Variants in ADCY3 observed in about 807,000 individuals in gnomAD.
ADCY3 encodes the protein adenylate cyclase type 3.
Under a neutral mutation model 119.4 loss-of-function variants are expected in ADCY3, and 70 were observed. The observed-to-expected ratio is 0.59, with a 90% CI of 0.48 to 0.72. The LOEUF is 0.72. Among genes scored for constraint, ADCY3 ranks in the 30% least tolerant of loss-of-function variants. The probability of loss-of-function intolerance (pLI) is 0.00; values close to 1 mark genes in which losing one functional copy is unlikely to be tolerated. For synonymous variants in ADCY3, 672 were observed against 621.4 expected, an observed-to-expected ratio of 1.08 and a Z score of -1.21; for missense variants, 1,238 against 1,541.6, an observed-to-expected ratio of 0.80 and a Z score of 3.30.
chr2:24,848,911 C>T (rs1040042622), intron 3 of ADCY3, among the ~76,000 whole-genome samples: 1 of 152,138 alleles, frequency 6.6e-6, no homozygotes, highest in African/African-American at 2.4e-5. Flanking sequence ...GCAGGTGGGA[C>T]AACAAAGGGA....
At chr2:24,820,282 G>C in intron 21 of ADCY3, 168 bp from the exon 22 acceptor site, 1 of 1,247,670 alleles carries the variant, frequency 8.0e-7, no homozygotes. Flanking sequence ...GGCGAGCAGC[G>C]GGTGGGAAGG....
chr2:24,893,543 G>A (rs1358292370), intron 2 of ADCY3, among the ~76,000 whole-genome samples: 2 of 151,890 alleles, frequency 1.3e-5, no homozygotes, highest in South Asian at 2.1e-4. Context: ...TTTAAGATGA[G>A]TTTCTTTATG....
At chr2:24,859,073 C>G (rs1334918383) in intron 3 of ADCY3, among the ~76,000 whole-genome samples, 3 of 152,194 alleles carry the variant, frequency 2.0e-5, no homozygotes, top group Admixed American at 1.3e-4. Flanking sequence ...TTTTCTCACA[C>G]TGAGAGGCAT....
At chr2:24,823,758 C>T (rs1182681693) in intron 17 of ADCY3, among the ~76,000 whole-genome samples, 1 of 148,836 alleles carries the variant, frequency 6.7e-6, no homozygotes, top group Non-Finnish European at 1.5e-5. Flanking sequence ...GTGGCACAAT[C>T]TCAGCTCACT....
chr2:24,898,381 G>T lies in ADCY3; in HGVS notation c.675+19932C>A, dbSNP rs572132820. Among the ~76,000 whole-genome samples the T allele has an allele frequency of 6.6e-6, 1 of 152,230 alleles. No individual in the cohort carries two copies. Among genetic ancestry groups the T allele is most frequent in the Non-Finnish European group, 1.5e-5 (1 of 68,012 alleles). On this transcript the variant is annotated intron_variant, in intron 2 of 21. Transcript: ENST00000679454. This position sits in a 1 kb window ranked among gnomAD's most constrained non-coding sequence, Gnocchi z 4.3. ...TGGACCTACTGTCTGCGGGATGGGAGTCGGGACACTGACTGTGTGGGAATG... is the reference window on the plus strand; with the variant it reads ...TGGACCTACTGTCTGCGGGATGGGATTCGGGACACTGACTGTGTGGGAATG...
rs576727649 is a variant in ADCY3 at position 24,880,902 on chromosome 2, C to T, written c.676-8183G>A. Among the ~76,000 whole-genome samples the T allele has an allele frequency of 2.6e-5, 4 of 152,156 alleles. No homozygotes were observed. In the East Asian group the frequency reaches 7.7e-4, roughly 29 times the overall value. On this transcript the variant is annotated intron_variant, in intron 2 of 21. Coordinates refer to ENST00000679454, the MANE Select transcript of ADCY3 (RefSeq NM_004036.5). ...TTGTGGCAGGCACCTGTAATCCCAG[C>T]TATTCGGGAGGCTGAGGCAGGAGAA... is the stretch of plus-strand genomic sequence containing the variant.
rs1057388847 is a variant in ADCY3 at position 24,898,977 on chromosome 2, C to T, written c.675+19336G>A. Among the ~76,000 whole-genome samples, 1 of 152,180 alleles carries T rather than the reference C, an allele frequency of 6.6e-6. No homozygotes were observed. The highest frequency in any genetic ancestry group is 6.5e-5 in the Admixed American group (1 of 15,286). On this transcript the variant is annotated intron_variant, in intron 2 of 21. Transcript: ENST00000679454. This position sits in a 1 kb window ranked among gnomAD's most constrained non-coding sequence, Gnocchi z 4.3. ...CACCATTCTCCCTGTTCTCACCACA[C>T]AACCACGCACTCAATAGCCTCCAAA... is the stretch of plus-strand genomic sequence containing the variant.
chr2:24,909,394 A>T (rs1358713689), intron 2 of ADCY3, among the ~76,000 whole-genome samples: 1 of 152,204 alleles, frequency 6.6e-6, no homozygotes, highest in East Asian at 1.9e-4. Flanking sequence ...CTGAGGAGAG[A>T]AAGGGGCAGG....
Position 24,896,128 on chromosome 2 carries a change from G to A in ADCY3, c.675+22185C>T, listed in dbSNP as rs141843528. On this transcript the variant is annotated intron_variant, in intron 2 of 21. Transcript: ENST00000679454. ...GGGCTGTGCACAGTGGCTCAAGCCT[G>A]TAATCCCAGCACTTTGGGAGGCCGA... is the stretch of plus-strand genomic sequence containing the variant. Among the ~76,000 whole-genome samples the A allele has an allele frequency of 1.2e-3, 178 of 152,288 alleles. 1 individual carries two copies. Among genetic ancestry groups the A allele is most frequent in the African/African-American group, 4.0e-3 (165 of 41,558 alleles).
At chr2:24,902,325 C>T (rs1348994287) in intron 2 of ADCY3, among the ~76,000 whole-genome samples, 6 of 152,116 alleles carry the variant, frequency 3.9e-5, no homozygotes, top group Non-Finnish European at 8.8e-5. Context: ...AAGCGATCCT[C>T]CCACTTTGGC....
chr2:24,919,662 T>G lies in ADCY3; in HGVS notation c.-198+21A>C, dbSNP rs1212893860. 1 of 152,284 alleles carries G rather than the reference T, an allele frequency of 6.6e-6. No individual in the cohort carries two copies. The highest frequency in any genetic ancestry group is 2.4e-5 in the African/African-American group (1 of 41,436). The allele number at this position is 152,284 out of a possible 1,614,324, so 9.4% of individuals were successfully genotyped here. ...GGCGCTGTCTTCCCCCCCGGAAGCCTGGCCCTGCCCCTGCGTTTACCTGTG... is the reference window on the plus strand; with the variant it reads ...GGCGCTGTCTTCCCCCCCGGAAGCCGGGCCCTGCCCCTGCGTTTACCTGTG... On this transcript the variant is annotated intron_variant, in intron 1 of 21. Coordinates refer to ENST00000679454, the MANE Select transcript of ADCY3 (RefSeq NM_004036.5). The surrounding 1 kb of genome is among the most constrained non-coding windows in gnomAD (Gnocchi z 5.5).
intron 19 of ADCY3, chr2:24,822,216 T>C (rs1036629524): frequency 2.3e-5 from 6 of 260,324 alleles, no homozygotes; most frequent in Non-Finnish European, 4.4e-5. Context: ...TTTCCCTTGT[T>C]GACAATTGCT....
chr2:24,828,244 C>T lies in ADCY3; in HGVS notation c.2173-83G>A, dbSNP rs533950715. ...ACAGAGGGCTGTGCATGGTAGTGCA[C>T]GCTCAGCTGCCACCTCCCGCGGCTC... On this transcript the variant is annotated intron_variant, in intron 13 of 21. Transcript: ENST00000679454. 2,559 of 1,515,074 alleles carry T rather than the reference C, an allele frequency of 1.7e-3. 8 individuals are homozygous for T. Among genetic ancestry groups the T allele is most frequent in the Middle Eastern group, 8.7e-3 (36 of 4,134 alleles). The allele number at this position is 1,515,074 out of a possible 1,614,324, so 93.9% of individuals were successfully genotyped here. A position where few individuals can be genotyped will look rare whatever the true frequency, so the allele number is the denominator to read the frequency against.
chr2:24,903,005 G>C lies in ADCY3; in HGVS notation c.675+15308C>G, dbSNP rs60243631. Among the ~76,000 whole-genome samples, 1,079 of 152,062 alleles carry C rather than the reference G, an allele frequency of 7.1e-3. 15 individuals carry two copies. The highest frequency in any genetic ancestry group is 0.025 in the African/African-American group (1,049 of 41,474). On this transcript the variant is annotated intron_variant, in intron 2 of 21. Transcript: ENST00000679454. Reference sequence around the variant, plus strand: ...GTGATCACACCATAAAAATTAGCTTGGTGTGGTGGCGGGCGCCTATAGTCC... The same window carrying C: ...GTGATCACACCATAAAAATTAGCTTCGTGTGGTGGCGGGCGCCTATAGTCC...
intron 2 of ADCY3, among the ~76,000 whole-genome samples, chr2:24,903,410 C>G (rs1422314487): frequency 6.6e-6 from 1 of 152,110 alleles, no homozygotes; most frequent in African/African-American, 2.4e-5. Flanking sequence ...GAGAAGACGA[C>G]TTCTGACTTG....
intron 7 of ADCY3, chr2:24,838,921 C>G (rs1418216261): frequency 6.5e-7 from 1 of 1,534,900 alleles, no homozygotes; most frequent in East Asian, 2.6e-5. Context: ...CGCTGTAAAG[C>G]AGATCAAATG....
intron 2 of ADCY3, among the ~76,000 whole-genome samples, chr2:24,904,405 C>T (rs1005346362): frequency 1.3e-5 from 2 of 152,034 alleles, no homozygotes; most frequent in African/African-American, 2.4e-5. Context: ...TGGCACATGC[C>T]TGTAGTCCAT....
chr2:24,907,972 C>A (rs915639601), intron 2 of ADCY3, among the ~76,000 whole-genome samples: 3 of 150,780 alleles, frequency 2.0e-5, no homozygotes, highest in African/African-American at 7.4e-5. Context: ...CCAGCCTGGG[C>A]AACAGAACGA....
Position 24,830,844 on chromosome 2 carries a change from CA to C in ADCY3, c.2056-20del. On this transcript the variant is annotated intron_variant, in intron 12 of 21. Transcript: ENST00000679454. Reference sequence around the variant, plus strand: ...GAAAGGCCTAGAAGGAACAGAATTTCAAGGGCCATGAGCCTTTGCCAGTCCT... The same window carrying C: ...GAAAGGCCTAGAAGGAACAGAATTTCAGGGCCATGAGCCTTTGCCAGTCCT... 6.3e-7 allele frequency: 1 copy of C among 1,595,450 alleles called. No homozygotes were observed. The highest frequency in any genetic ancestry group is 8.6e-7 in the Non-Finnish European group (1 of 1,163,720).
Sources: gnomAD v4.1 joint callset for allele counts (sites outside exome capture counted in the v4.1 genomes callset) on GRCh38, gnomAD v4.1.1 for gene constraint, Gnocchi (gnomAD v3.1) non-coding constraint, MANE v1.5 for transcripts, NCBI Gene and HGNC (gene_info 2026-07-23, HGNC 2026-07-21) for gene names.